The following PDE11A variants were observed in gnomAD, a reference collection of about 807,000 sequenced individuals.
PDE11A encodes the protein dual 3',5'-cyclic-AMP and -GMP phosphodiesterase 11A.
PDE11A carries 100 observed loss-of-function variants against 100.5 expected under a neutral mutation model. That is an observed-to-expected ratio of 1.00 (90% CI 0.85 to 1.18). The LOEUF is 1.18. Among genes scored for constraint, PDE11A ranks in the 50% most tolerant of loss-of-function variants. The pLI, the probability that PDE11A is intolerant of heterozygous loss-of-function variation, is 0.00. For missense variants in PDE11A, 1,141 were observed against 1,152.6 expected (o/e 0.99, Z 0.15); for synonymous variants, 381 against 420.8 (o/e 0.91, Z 1.16).
chr2:177,833,529 T>C (rs546191146), intron 6 of PDE11A, among the ~76,000 whole-genome samples: 1 of 152,314 alleles, frequency 6.6e-6, no homozygotes, highest in Admixed American at 6.5e-5. Context: ...CCAGAGTGTT[T>C]TCTGTGATCT....
At chr2:177,903,169 C>G (rs536509406) in intron 3 of PDE11A, among the ~76,000 whole-genome samples, 1 of 152,192 alleles carries the variant, frequency 6.6e-6, no homozygotes, top group Non-Finnish European at 1.5e-5. Context: ...CAAGCTTTCT[C>G]CTGCCCCAGG....
At chr2:177,958,371 A>G (rs1230153242) in intron 2 of PDE11A, among the ~76,000 whole-genome samples, 1 of 152,192 alleles carries the variant, frequency 6.6e-6, no homozygotes, top group African/African-American at 2.4e-5. Context: ...AACTTCTTGC[A>G]TTTTATCTCT....
intron 9 of PDE11A, among the ~76,000 whole-genome samples, chr2:177,771,798 T>A (rs2082314312): frequency 6.6e-6 from 1 of 151,536 alleles, no homozygotes; most frequent in Non-Finnish European, 1.5e-5. Flanking sequence ...AGGTGAGGAG[T>A]TCAATACCAG....
chr2:177,971,192 A>G (rs1365105238), intron 2 of PDE11A, among the ~76,000 whole-genome samples: 2 of 152,218 alleles, frequency 1.3e-5, no homozygotes, highest in Non-Finnish European at 2.9e-5. Flanking sequence ...AACTCACAAG[A>G]CAGCAGCTAT....
intron 1 of PDE11A, among the ~76,000 whole-genome samples, chr2:178,043,299 T>C (rs2086706026): frequency 6.6e-6 from 1 of 152,158 alleles, no homozygotes; most frequent in Non-Finnish European, 1.5e-5. Context: ...CTCCACTGGG[T>C]CCTCCTTTCA....
chr2:177,665,683 C>T (rs1428497642), intron 18 of PDE11A, among the ~76,000 whole-genome samples: 1 of 150,766 alleles, frequency 6.6e-6, no homozygotes, highest in Admixed American at 6.6e-5. Flanking sequence ...TGGCGAAACC[C>T]TGTTTCTACT....
chr2:177,683,101 A>G (rs1327510043), intron 15 of PDE11A, among the ~76,000 whole-genome samples: 19 of 152,178 alleles, frequency 1.2e-4, no homozygotes, highest in Admixed American at 1.2e-3. Flanking sequence ...CAACTGACCA[A>G]CTGTGTGGAT....
chr2:177,787,349 G>A (rs2105528091), intron 9 of PDE11A, among the ~76,000 whole-genome samples: 1 of 150,790 alleles, frequency 6.6e-6, no homozygotes, highest in Non-Finnish European at 1.5e-5. Context: ...GAGAGATTTT[G>A]TCACCACCAG....
chr2:178,008,415 A>T (rs191475175), intron 2 of PDE11A, among the ~76,000 whole-genome samples: 28 of 152,220 alleles, frequency 1.8e-4, no homozygotes, highest in East Asian at 7.7e-4. Flanking sequence ...CTAATTTTTT[A>T]AAAAAATCAG....
intron 2 of PDE11A, among the ~76,000 whole-genome samples, chr2:177,953,761 T>C (rs2085530236): frequency 6.6e-6 from 1 of 152,102 alleles, no homozygotes; most frequent in Non-Finnish European, 1.5e-5. Context: ...GGTGAGTTCA[T>C]CCCTGAGGTG....
At chr2:177,745,757 G>T (rs923943127) in intron 10 of PDE11A, among the ~76,000 whole-genome samples, 7 of 152,232 alleles carry the variant, frequency 4.6e-5, no homozygotes, top group African/African-American at 1.2e-4. Flanking sequence ...AACAGCATAT[G>T]TGAGTGTATT....
intron 2 of PDE11A, among the ~76,000 whole-genome samples, chr2:177,951,509 G>A (rs549339219): frequency 6.6e-6 from 1 of 152,298 alleles, no homozygotes; most frequent in South Asian, 2.1e-4. Context: ...AAATCATCTA[G>A]TTAGCTTGTC....
intron 2 of PDE11A, among the ~76,000 whole-genome samples, chr2:178,097,984 C>A (rs554737126): frequency 6.6e-6 from 1 of 152,292 alleles, no homozygotes; most frequent in Admixed American, 6.5e-5. Flanking sequence ...TGAAATTGAT[C>A]AATCAAGGCC....
chr2:177,781,972 A>T (rs1464409416), intron 9 of PDE11A, among the ~76,000 whole-genome samples: 1 of 152,220 alleles, frequency 6.6e-6, no homozygotes, highest in Non-Finnish European at 1.5e-5. Context: ...TAATCATTCT[A>T]TGTCATTACC....
chr2:177,747,307 C>G (rs1460710290), intron 10 of PDE11A, among the ~76,000 whole-genome samples: 1 of 152,196 alleles, frequency 6.6e-6, no homozygotes, highest in East Asian at 1.9e-4. Flanking sequence ...AATTTGGCTC[C>G]TGTTTCTAAA....
chr2:177,890,931 T>C (rs1035652761), intron 4 of PDE11A, among the ~76,000 whole-genome samples: 3 of 152,344 alleles, frequency 2.0e-5, no homozygotes, highest in East Asian at 1.9e-4. Context: ...CCTAAAATTA[T>C]ATCAAAGACA....
intron 1 of PDE11A, chr2:178,105,558 T>C (rs1293114309): frequency 6.2e-6 from 2 of 321,824 alleles, no homozygotes; most frequent in African/African-American, 2.2e-5. Flanking sequence ...AAAAATTCTA[T>C]AACTAAATAA....
At chr2:177,811,357 T>A (rs1464758653) in intron 9 of PDE11A, among the ~76,000 whole-genome samples, 1 of 151,978 alleles carries the variant, frequency 6.6e-6, no homozygotes. Context: ...TTTAAGAGCA[T>A]TTCTGCTCTC....
chr2:177,713,825 T>G (rs1251004579), intron 12 of PDE11A, among the ~76,000 whole-genome samples: 1 of 152,086 alleles, frequency 6.6e-6, no homozygotes, highest in African/African-American at 2.4e-5. Context: ...TTACTTAAAT[T>G]ATTACCTGCA....
Sources: gnomAD v4.1 joint callset for allele counts (sites outside exome capture counted in the v4.1 genomes callset) on GRCh38, gnomAD v4.1.1 for gene constraint, MANE v1.5 for transcripts, NCBI Gene and HGNC (gene_info 2026-07-23, HGNC 2026-07-21) for gene names.